Variants in MSRB3 observed in about 807,000 individuals in gnomAD.
The protein encoded by MSRB3 is methionine-R-sulfoxide reductase B3.
Under a neutral mutation model 21.0 loss-of-function variants are expected in MSRB3, and 13 were observed. That is an observed-to-expected ratio of 0.62 (90% CI 0.40 to 0.98). MSRB3 has a LOEUF of 0.98. Ranked by LOEUF, MSRB3 falls within the 50% of genes least tolerant of loss-of-function variation. The probability of loss-of-function intolerance (pLI) is 0.00; values close to 1 mark genes in which losing one functional copy is unlikely to be tolerated. For missense variants in MSRB3, 199 were observed against 230.3 expected (o/e 0.86, Z 0.88); for synonymous variants, 87 against 88.6 (o/e 0.98, Z 0.10).
chr12:65,405,603 C>A (rs935440685), intron 5 of MSRB3, among the ~76,000 whole-genome samples: 2 of 152,036 alleles, frequency 1.3e-5, no homozygotes, highest in Admixed American at 6.5e-5. Context: ...TGGATACATA[C>A]CCCAGTAGTG....
At chr12:65,461,932 A>G (rs1423032581) in intron 6 of MSRB3, among the ~76,000 whole-genome samples, 1 of 151,928 alleles carries the variant, frequency 6.6e-6, no homozygotes, top group African/African-American at 2.4e-5. Flanking sequence ...CCTATCTAAC[A>G]TTTCATATCA....
At chr12:65,329,979 C>T (rs938981510) in intron 4 of MSRB3, among the ~76,000 whole-genome samples, 4 of 152,154 alleles carry the variant, frequency 2.6e-5, no homozygotes, top group Non-Finnish European at 4.4e-5. Context: ...AAACACACTC[C>T]GTATATAATG....
chr12:65,343,435 C>T (rs1345561747), intron 4 of MSRB3, among the ~76,000 whole-genome samples: 1 of 152,040 alleles, frequency 6.6e-6, no homozygotes, highest in African/African-American at 2.4e-5. Context: ...CTGTCCTATT[C>T]CCAGAAGCCT....
At chr12:65,314,043 G>C (rs1418326266) in intron 2 of MSRB3, among the ~76,000 whole-genome samples, 1 of 152,076 alleles carries the variant, frequency 6.6e-6, no homozygotes, top group Non-Finnish European at 1.5e-5. Context: ...AAATTTTTCT[G>C]CTTATATTAT....
chr12:65,308,620 A>C lies in MSRB3; in HGVS notation c.41A>C (p.Gln14Pro). Residue 14 changes from glutamine (Q) to proline (P), a missense_variant, in exon 2 of 7, where the codon CAG becomes CCG. Coordinates refer to ENST00000308259, the MANE Select transcript of MSRB3 (RefSeq NM_001031679.3). ...FNLLHLVTKS[Q>P]PVALRACGLP... Reference sequence around the variant, plus strand: ...CTGCTGCATTTGGTGACAAAGAGCCAGCCAGTAGCCCTTCGAGCCTGTGGG... The same window carrying C: ...CTGCTGCATTTGGTGACAAAGAGCCCGCCAGTAGCCCTTCGAGCCTGTGGG... The C allele has an allele frequency of 6.2e-7, 1 of 1,614,036 alleles. No individual in the cohort carries two copies. The highest frequency in any genetic ancestry group is 1.7e-5 in the Admixed American group (1 of 60,008).
chr12:65,283,745 A>AT (rs1307376272), intron 1 of MSRB3: 2 of 152,194 alleles, frequency 1.3e-5, no homozygotes, highest in African/African-American at 4.8e-5. Context: ...AAGAATTCTG[A>AT]TAGGCTCTGA....
At position 65,464,583 on chromosome 12, in the gene MSRB3, C is replaced by T. The variant is rs900392644; in HGVS notation, c.*1261C>T. On this transcript the variant is annotated 3_prime_UTR_variant, in exon 7 of 7. Transcript: ENST00000308259. Reference sequence around the variant, plus strand: ...AAGTCCTTCTCTCCACACCTAAAAGCAGCTGCAGCTGGAAGGGCACAAATT... The same window carrying T: ...AAGTCCTTCTCTCCACACCTAAAAGTAGCTGCAGCTGGAAGGGCACAAATT... 6.6e-6 allele frequency: 1 copy of T among 152,288 alleles called. No homozygotes were observed. Among genetic ancestry groups the T allele is most frequent in the Non-Finnish European group, 1.5e-5 (1 of 68,086 alleles). The allele number at this position is 152,288 out of a possible 1,614,324, so 9.4% of individuals were successfully genotyped here. A position where few individuals can be genotyped will look rare whatever the true frequency, so the allele number is the denominator to read the frequency against.
intron 6 of MSRB3, among the ~76,000 whole-genome samples, chr12:65,454,427 C>T (rs113368782): frequency 1.5e-4 from 23 of 152,194 alleles, no homozygotes; most frequent in African/African-American, 5.5e-4. Context: ...GTGGGCTGTT[C>T]TTGGGGCATA....
rs1883530411 is a variant in MSRB3, at chr12:65,465,557, CCTCT to C, written c.*2238_*2241del. On this transcript the variant is annotated 3_prime_UTR_variant, in exon 7 of 7. Coordinates refer to ENST00000308259, the MANE Select transcript of MSRB3 (RefSeq NM_001031679.3). ...TCCTACATGTCTCTCTCTACAAGCA[CCTCT>C]CTAAGAAGCCTGACATCCCGGTGGA... 1 of 152,138 alleles carries C rather than the reference CCTCT, an allele frequency of 6.6e-6. No individual in the cohort carries two copies. The highest frequency in any genetic ancestry group is 2.4e-5 in the African/African-American group (1 of 41,418). 9.4% of individuals were successfully genotyped at this position (152,138 alleles called of 1,614,324 possible). A position where few individuals can be genotyped will look rare whatever the true frequency, so the allele number is the denominator to read the frequency against.
chr12:65,349,811 C>T (rs1876811542), intron 4 of MSRB3, among the ~76,000 whole-genome samples: 1 of 151,354 alleles, frequency 6.6e-6, no homozygotes. Flanking sequence ...GGATATTAGC[C>T]CTTTGTCAGA....
chr12:65,299,637 G>T (rs1302815653), intron 1 of MSRB3, among the ~76,000 whole-genome samples: 1 of 152,126 alleles, frequency 6.6e-6, no homozygotes, highest in Non-Finnish European at 1.5e-5. Flanking sequence ...AATTTCAGGG[G>T]GTTCTATTAC....
intron 1 of MSRB3, among the ~76,000 whole-genome samples, chr12:65,294,308 CCACTGGGAATCTCCTGAATCT>C (rs1872826447): frequency 6.6e-6 from 1 of 152,166 alleles, no homozygotes; most frequent in Non-Finnish European, 1.5e-5. Context: ...ATTTAGAATC[CCACTGGGAATCTCCTGAATCT>C]CACTAACTTG....
intron 5 of MSRB3, among the ~76,000 whole-genome samples, chr12:65,394,532 C>A (rs980428458): frequency 3.3e-5 from 5 of 152,140 alleles, no homozygotes; most frequent in African/African-American, 1.2e-4. Flanking sequence ...AGAATTAATG[C>A]CAATTATTCA....
intron 4 of MSRB3, among the ~76,000 whole-genome samples, chr12:65,353,850 G>T (rs185984741): frequency 0.092 from 13,947 of 151,444 alleles, 2,192 homozygotes; most frequent in African/African-American, 0.32. Flanking sequence ...GCATGTTTTT[G>T]CAGCGGCTGG....
chr12:65,424,377 T>C (rs1316708432), intron 5 of MSRB3, among the ~76,000 whole-genome samples: 1 of 152,102 alleles, frequency 6.6e-6, no homozygotes, highest in East Asian at 1.9e-4. Context: ...GTTTGTTTTC[T>C]AGTTCCTTGA....
chr12:65,453,089 A>G (rs1438787093), intron 5 of MSRB3, among the ~76,000 whole-genome samples: 1 of 152,214 alleles, frequency 6.6e-6, no homozygotes, highest in Admixed American at 6.5e-5. Flanking sequence ...TCTTTGAGAT[A>G]AGGTGCTGCC....
chr12:65,453,054 A>G (rs1431598173), intron 5 of MSRB3, among the ~76,000 whole-genome samples: 1 of 152,206 alleles, frequency 6.6e-6, no homozygotes, highest in Admixed American at 6.5e-5. Context: ...AATCACTAGA[A>G]TAAATAAAAC....
intron 2 of MSRB3, among the ~76,000 whole-genome samples, chr12:65,311,532 A>G (rs1326119572): frequency 6.6e-6 from 1 of 152,110 alleles, no homozygotes. Flanking sequence ...CAGTAATGAA[A>G]CAGACTGCTT....
Position 65,419,917 on chromosome 12 carries a change from C to A in MSRB3, c.293-33811C>A, listed in dbSNP as rs925837672. 5.0e-6 allele frequency: 3 copies of A among 597,328 alleles called. No individual in the cohort carries two copies. In the African/African-American group the frequency reaches 5.6e-5, roughly 11 times the overall value. 37.0% of individuals were successfully genotyped at this position (597,328 alleles called of 1,614,324 possible). On this transcript the variant is annotated intron_variant, in intron 5 of 6. Coordinates refer to ENST00000308259, the MANE Select transcript of MSRB3 (RefSeq NM_001031679.3). ...CCAGAGCCCCCAGTGCCTGCATAGA[C>A]GTTGGTTGTGCTGCTGACCAGCCAG...
Sources: gnomAD v4.1 joint callset for allele counts (sites outside exome capture counted in the v4.1 genomes callset) on GRCh38, gnomAD v4.1.1 for gene constraint, MANE v1.5 for transcripts, NCBI Gene and HGNC (gene_info 2026-07-23, HGNC 2026-07-21) for gene names.